NEGR1: variants seen among roughly 807,000 people sequenced by gnomAD.
NEGR1 encodes neuronal growth regulator 1, also known as IgLON family member 4.
Under a neutral mutation model 40.9 loss-of-function variants are expected in NEGR1, and 10 were observed. The ratio of observed to expected loss-of-function variants is 0.24; its 90% CI spans 0.15 to 0.42. The LOEUF (loss-of-function observed/expected upper bound fraction) is 0.42, where lower values mean the gene tolerates loss of function less well. NEGR1 is among the 10% of genes least tolerant of loss of function. NEGR1 has a pLI of 1.00. For missense variants in NEGR1, 352 were observed against 438.9 expected, an observed-to-expected ratio of 0.80 and a Z score of 1.77; for synonymous variants, 185 against 166.8, an observed-to-expected ratio of 1.11 and a Z score of -0.84.
chr1:72,184,652 T>C (rs143601877), intron 1 of NEGR1, among the ~76,000 whole-genome samples: 396 of 152,140 alleles, frequency 2.6e-3, no homozygotes, highest in African/African-American at 8.7e-3. Flanking sequence ...AGGTCCATAA[T>C]ATTATAGTTT....
rs542104749 is a variant in NEGR1 at position 71,689,090 on chromosome 1, C to T, written c.667+8918G>A. Among the ~76,000 whole-genome samples, 7 of 152,252 alleles carry T rather than the reference C, an allele frequency of 4.6e-5. No homozygotes were observed. The South Asian group carries it at 1.0e-3, about 23-fold the overall frequency. ...TTCTCTGAAATTTACGTCTTTATTA[C>T]TGTACTTATTCTTCACATGAATTAC... is the stretch of plus-strand genomic sequence containing the variant. On this transcript the variant is annotated intron_variant, in intron 4 of 6. Coordinates refer to ENST00000357731, the MANE Select transcript of NEGR1 (RefSeq NM_173808.3).
chr1:71,732,312 C>A (rs78298392), intron 3 of NEGR1, among the ~76,000 whole-genome samples: 2,492 of 152,032 alleles, frequency 0.016, 58 homozygotes, highest in African/African-American at 0.049. Context: ...CAAAGTGAGA[C>A]CTTATCTAAA....
chr1:71,701,627 G>C (rs577560169), intron 3 of NEGR1, among the ~76,000 whole-genome samples: 17 of 152,046 alleles, frequency 1.1e-4, no homozygotes, highest in Admixed American at 8.5e-4. Context: ...TACCATGTAA[G>C]GTAACATGGT....
intron 1 of NEGR1, among the ~76,000 whole-genome samples, chr1:71,993,367 G>C (rs111868476): frequency 3.9e-5 from 6 of 152,286 alleles, no homozygotes; most frequent in African/African-American, 1.4e-4. Flanking sequence ...TTTAGCTGGA[G>C]TTAGCCACCG....
chr1:71,939,409 T>C (rs1025620733), intron 1 of NEGR1, among the ~76,000 whole-genome samples: 2 of 152,094 alleles, frequency 1.3e-5, no homozygotes, highest in African/African-American at 4.8e-5. Context: ...GAACAATAAA[T>C]GTAAGCGTGT....
chr1:72,075,703 T>G (rs2100517814), intron 1 of NEGR1, among the ~76,000 whole-genome samples: 1 of 152,282 alleles, frequency 6.6e-6, no homozygotes, highest in South Asian at 2.1e-4. Context: ...ATATTTTGGT[T>G]TAGCCTTAGG....
intron 2 of NEGR1, among the ~76,000 whole-genome samples, chr1:71,933,306 C>G (rs1375748483): frequency 6.6e-6 from 1 of 151,750 alleles, no homozygotes; most frequent in African/African-American, 2.4e-5. Flanking sequence ...GTCTTAAATA[C>G]CGATAGTCTG....
intron 4 of NEGR1, among the ~76,000 whole-genome samples, chr1:71,622,677 G>C (rs1650647040): frequency 6.6e-6 from 1 of 151,784 alleles, no homozygotes; most frequent in Admixed American, 6.6e-5. Context: ...ATGTGAATGA[G>C]CCAGGCTCAT....
intron 2 of NEGR1, among the ~76,000 whole-genome samples, chr1:71,788,493 C>A (rs1656991649): frequency 6.6e-6 from 1 of 151,982 alleles, no homozygotes; most frequent in Non-Finnish European, 1.5e-5. Flanking sequence ...AAAATGCAGT[C>A]TCTTGACAGA....
chr1:71,878,294 C>T (rs1445274208), intron 2 of NEGR1, among the ~76,000 whole-genome samples: 1 of 152,142 alleles, frequency 6.6e-6, no homozygotes, highest in Admixed American at 6.6e-5. Context: ...TAAGTGCTTT[C>T]ATTATCTTTC....
chr1:72,130,732 T>C (rs1650215818), intron 1 of NEGR1, among the ~76,000 whole-genome samples: 1 of 152,148 alleles, frequency 6.6e-6, no homozygotes, highest in African/African-American at 2.4e-5. Context: ...CATTCTGACC[T>C]CCTCAGCCAA....
At chr1:71,777,182 TATA>T (rs1330056814) in intron 2 of NEGR1, among the ~76,000 whole-genome samples, 1 of 152,150 alleles carries the variant, frequency 6.6e-6, no homozygotes, top group Non-Finnish European at 1.5e-5. Context: ...AGAGCATGGG[TATA>T]AATCTCTATT....
chr1:71,835,279 C>A (rs1658987216), intron 2 of NEGR1, among the ~76,000 whole-genome samples: 1 of 152,072 alleles, frequency 6.6e-6, no homozygotes, highest in Non-Finnish European at 1.5e-5. Flanking sequence ...GTCACAAGGG[C>A]AGCCAAGATT....
chr1:72,108,465 T>A (rs1231976652), intron 1 of NEGR1, among the ~76,000 whole-genome samples: 2 of 151,578 alleles, frequency 1.3e-5, no homozygotes, highest in African/African-American at 2.4e-5. Context: ...TAGATAAAAA[T>A]AAACTATTTA....
rs149062828 is a variant in NEGR1, at chr1:72,101,370, A to G, written c.177-166059T>C. Among the ~76,000 whole-genome samples the G allele has an allele frequency of 5.6e-3, 852 of 152,292 alleles. 5 individuals carry two copies. Among genetic ancestry groups the G allele is most frequent in the African/African-American group, 0.02 (811 of 41,578 alleles). On this transcript the variant is annotated intron_variant, in intron 1 of 6. Coordinates refer to ENST00000357731, the MANE Select transcript of NEGR1 (RefSeq NM_173808.3). ...ATTCGCTCAACAGAGACCATAATAT[A>G]CTTAACATGAAGAATGCAAAGGAAT... is the stretch of plus-strand genomic sequence containing the variant.
intron 2 of NEGR1, among the ~76,000 whole-genome samples, chr1:71,808,765 A>AT (rs377375848): frequency 2.4e-3 from 368 of 152,110 alleles, no homozygotes; most frequent in African/African-American, 8.4e-3. Flanking sequence ...AAAATGAGAC[A>AT]TTTTTTTTCA....
At chr1:71,980,889 C>G (rs1022071065) in intron 1 of NEGR1, among the ~76,000 whole-genome samples, 1 of 151,890 alleles carries the variant, frequency 6.6e-6, no homozygotes, top group Admixed American at 6.6e-5. Flanking sequence ...CACCATCCTT[C>G]TTTATTTGGC....
rs190888541 is a variant in NEGR1, at chr1:71,399,941, T to C, written c.*7505A>G. On this transcript the variant is annotated 3_prime_UTR_variant, in exon 7 of 7. Transcript: ENST00000357731. ...GTCTTCAACGAATATTTTGTAAGTTTTTTTTCTAAGATATGGTCCCCAAAT... is the reference window on the plus strand; with the variant it reads ...GTCTTCAACGAATATTTTGTAAGTTCTTTTTCTAAGATATGGTCCCCAAAT... 6.6e-6 allele frequency: 1 copy of C among 152,322 alleles called. No homozygotes were observed. The highest frequency in any genetic ancestry group is 2.4e-5 in the African/African-American group (1 of 41,586). The allele number at this position is 152,322 out of a possible 1,614,324, so 9.4% of individuals were successfully genotyped here.
chr1:71,624,709 A>G (rs1650711550), intron 4 of NEGR1, among the ~76,000 whole-genome samples: 1 of 151,884 alleles, frequency 6.6e-6, no homozygotes, highest in Admixed American at 6.6e-5. Context: ...TCGTGCTTAC[A>G]TCCTCATTTC....
Sources: gnomAD v4.1 joint callset for allele counts (sites outside exome capture counted in the v4.1 genomes callset) on GRCh38, gnomAD v4.1.1 for gene constraint, MANE v1.5 for transcripts, NCBI Gene and HGNC (gene_info 2026-07-23, HGNC 2026-07-21) for gene names.